The following RARB variants were observed in gnomAD, a reference collection of about 807,000 sequenced individuals.
The protein encoded by RARB is HBV-activated protein.
Under a neutral mutation model 51.9 loss-of-function variants are expected in RARB, and 17 were observed. The ratio of observed to expected loss-of-function variants is 0.33; its 90% CI spans 0.22 to 0.49. The LOEUF (loss-of-function observed/expected upper bound fraction) is 0.49, where lower values mean the gene tolerates loss of function less well. Among genes scored for constraint, RARB ranks in the 20% least tolerant of loss-of-function variants. The pLI is 0.99. For missense variants in RARB, 369 were observed against 550.8 expected, an observed-to-expected ratio of 0.67 and a Z score of 3.30; for synonymous variants, 215 against 195.4, an observed-to-expected ratio of 1.10 and a Z score of -0.84.
chr3:25,189,663 G>A (rs1402486925), intron 5 of RARB, among the ~76,000 whole-genome samples: 2 of 152,114 alleles, frequency 1.3e-5, no homozygotes, highest in Non-Finnish European at 2.9e-5. Context: ...GAGGTGGGTG[G>A]ATTACTTGAA....
rs73047801 is a variant in RARB at position 25,119,670 on chromosome 3, C to A, written c.-327-12491C>A. Reference sequence around the variant, plus strand: ...ATAAAACAAACAAACAAAAAAAAAACAACAACAAAAAAAACACTGCTCTTG... The same window carrying A: ...ATAAAACAAACAAACAAAAAAAAAAAAACAACAAAAAAAACACTGCTCTTG... On this transcript the variant is annotated intron_variant, in intron 3 of 11. Coordinates refer to the RARB transcript ENST00000383772. Among the ~76,000 whole-genome samples, 848 of 142,856 alleles carry A rather than the reference C, an allele frequency of 5.9e-3. 4 individuals are homozygous for A. Among genetic ancestry groups the A allele is most frequent in the Middle Eastern group, 0.021 (6 of 286 alleles). 93.7% of individuals were successfully genotyped at this position (142,856 alleles called of 152,430 possible).
At chr3:25,230,708 T>C (rs755966644) in intron 5 of RARB, among the ~76,000 whole-genome samples, 3 of 152,140 alleles carry the variant, frequency 2.0e-5, no homozygotes, top group Non-Finnish European at 4.4e-5. Flanking sequence ...AGGTCTTACA[T>C]CCAGAATGGA....
intron 2 of RARB, among the ~76,000 whole-genome samples, chr3:24,968,759 T>C (rs902962446): frequency 6.6e-6 from 1 of 152,106 alleles, no homozygotes; most frequent in Admixed American, 6.6e-5. Flanking sequence ...TGCCTTACAA[T>C]TGCTATTGAA....
chr3:25,405,916 C>T (rs531140680), intron 5 of RARB, among the ~76,000 whole-genome samples: 1 of 152,016 alleles, frequency 6.6e-6, no homozygotes, highest in East Asian at 2.0e-4. Flanking sequence ...AGGGGGAAGA[C>T]TGTCCAGAGG....
intron 3 of RARB, among the ~76,000 whole-genome samples, chr3:25,097,200 C>T (rs746196925): frequency 5.9e-5 from 9 of 152,116 alleles, no homozygotes; most frequent in African/African-American, 1.9e-4. Flanking sequence ...AAACAATACA[C>T]GCATGACTTG....
At chr3:24,987,892 C>T (rs1322475031) in intron 2 of RARB, among the ~76,000 whole-genome samples, 1 of 152,062 alleles carries the variant, frequency 6.6e-6, no homozygotes, top group African/African-American at 2.4e-5. Context: ...AAAACCAAAA[C>T]AAAATAACAC....
chr3:25,175,872 C>T (rs910305861), intron 5 of RARB, among the ~76,000 whole-genome samples: 5 of 152,054 alleles, frequency 3.3e-5, no homozygotes, highest in East Asian at 1.9e-4. Flanking sequence ...GCAGCCAAAG[C>T]GGCGTATTGA....
chr3:25,014,904 T>G (rs146056275), intron 2 of RARB, among the ~76,000 whole-genome samples: 24 of 152,322 alleles, frequency 1.6e-4, no homozygotes, highest in African/African-American at 5.8e-4. Context: ...TTCCCTAACT[T>G]TGTTTATACT....
At chr3:24,992,696 C>T (rs925289548) in intron 2 of RARB, among the ~76,000 whole-genome samples, 7 of 152,156 alleles carry the variant, frequency 4.6e-5, no homozygotes, top group East Asian at 1.9e-4. Context: ...CATCTCCCCC[C>T]GTGTCTTCCC....
At chr3:25,188,278 G>A (rs1364612767) in intron 5 of RARB, among the ~76,000 whole-genome samples, 1 of 151,976 alleles carries the variant, frequency 6.6e-6, no homozygotes, top group African/African-American at 2.4e-5. Flanking sequence ...CTCAGAGCTT[G>A]GTGCTTGGCA....
At chr3:25,107,925 C>G (rs538211127) in intron 3 of RARB, among the ~76,000 whole-genome samples, 123 of 152,228 alleles carry the variant, frequency 8.1e-4, no homozygotes, top group African/African-American at 2.8e-3. Flanking sequence ...AAAGGAAGCA[C>G]TTTATAGCTT....
At chr3:25,222,211 T>G (rs988954466) in intron 5 of RARB, among the ~76,000 whole-genome samples, 4 of 152,184 alleles carry the variant, frequency 2.6e-5, no homozygotes, top group African/African-American at 9.6e-5. Flanking sequence ...ATATGATGAC[T>G]GCAACCTAAG....
At chr3:25,457,674 C>A (rs1694987678) in intron 1 of RARB, among the ~76,000 whole-genome samples, 1 of 152,124 alleles carries the variant, frequency 6.6e-6, no homozygotes, top group Non-Finnish European at 1.5e-5. Context: ...ATTTTGTTTC[C>A]TTTCTTTGGG....
At chr3:25,315,074 T>G (rs1704388394) in intron 5 of RARB, among the ~76,000 whole-genome samples, 1 of 152,210 alleles carries the variant, frequency 6.6e-6, no homozygotes, top group South Asian at 2.1e-4. Flanking sequence ...CCGTGGTGTG[T>G]AGGTACCACA....
At chr3:24,880,859 A>G (rs576880749) in intron 2 of RARB, among the ~76,000 whole-genome samples, 1 of 152,338 alleles carries the variant, frequency 6.6e-6, no homozygotes, top group South Asian at 2.1e-4. Flanking sequence ...TATGTTAAAT[A>G]TGTTTAATTC....
At chr3:24,897,827 G>A (rs1703511188) in intron 2 of RARB, among the ~76,000 whole-genome samples, 1 of 150,860 alleles carries the variant, frequency 6.6e-6, no homozygotes, top group East Asian at 1.9e-4. Context: ...AGAAACTGCC[G>A]GACATCTAAG....
At chr3:25,169,658 A>G (rs1473859904) in intron 4 of RARB, among the ~76,000 whole-genome samples, 1 of 152,170 alleles carries the variant, frequency 6.6e-6, no homozygotes, top group Non-Finnish European at 1.5e-5. Flanking sequence ...ATAGTTTAAG[A>G]GAGTTATATC....
intron 2 of RARB, among the ~76,000 whole-genome samples, chr3:24,967,281 T>A (rs1317940988): frequency 6.6e-6 from 1 of 152,136 alleles, no homozygotes; most frequent in Non-Finnish European, 1.5e-5. Context: ...CCTGAAAGCA[T>A]CTGTCTCCTG....
At chr3:24,861,499 T>C (rs571542752) in intron 2 of RARB, among the ~76,000 whole-genome samples, 1 of 151,994 alleles carries the variant, frequency 6.6e-6, no homozygotes, top group South Asian at 2.1e-4. Flanking sequence ...TATACAGTTA[T>C]GCCTATTGAT....
Sources: allele counts gnomAD v4.1 joint callset (sites outside exome capture counted in the v4.1 genomes callset), GRCh38; gene constraint gnomAD v4.1.1; transcripts MANE v1.5; gene names NCBI Gene and HGNC (gene_info 2026-07-23, HGNC 2026-07-21).